The following PTPRO variants were observed in gnomAD, a reference collection of about 807,000 sequenced individuals.
PTPRO encodes the protein receptor-type tyrosine-protein phosphatase O.
Under a neutral mutation model 145.2 loss-of-function variants are expected in PTPRO, and 62 were observed. The observed-to-expected ratio is 0.43, with a 90% confidence interval of 0.35 to 0.53. The LOEUF (loss-of-function observed/expected upper bound fraction) is 0.53. Ranked by LOEUF, PTPRO falls within the 20% of genes least tolerant of loss-of-function variation. The pLI, the probability that PTPRO is intolerant of heterozygous loss-of-function variation, is 0.01. For synonymous variants in PTPRO, 565 were observed against 514.7 expected (o/e 1.10, Z -1.32); for missense variants, 1,345 against 1,482.7 (o/e 0.91, Z 1.53).
At chr12:15,373,911 T>C (rs760235245) in intron 1 of PTPRO, among the ~76,000 whole-genome samples, 2 of 152,192 alleles carry the variant, frequency 1.3e-5, no homozygotes, top group Non-Finnish European at 2.9e-5. Context: ...GGTCATTTTG[T>C]ACTCACAAAT....
intron 1 of PTPRO, among the ~76,000 whole-genome samples, chr12:15,398,487 A>C (rs1437511194): frequency 6.6e-6 from 1 of 152,054 alleles, no homozygotes; most frequent in Admixed American, 6.5e-5. Flanking sequence ...TTTCCAAAAA[A>C]AAAAAAAACA....
Position 15,322,624 on chromosome 12 carries a change from C to T in PTPRO, c.-103C>T. On this transcript the variant is annotated 5_prime_UTR_variant, in exon 1 of 27. Coordinates refer to ENST00000281171, the MANE Select transcript of PTPRO (RefSeq NM_030667.3). The surrounding 1 kb of genome is among the most constrained non-coding windows in gnomAD (Gnocchi z 6.3). ...AGCATGCGCTCGCCAGGAGCAACCTCGGCGCCCAGGGTCTGAGGCTGCAGC... is the reference window on the plus strand; with the variant it reads ...AGCATGCGCTCGCCAGGAGCAACCTTGGCGCCCAGGGTCTGAGGCTGCAGC... 3.0e-6 allele frequency: 3 copies of T among 1,000,058 alleles called. No homozygotes were observed. Among genetic ancestry groups the T allele is most frequent in the Non-Finnish European group, 3.1e-6 (2 of 646,022 alleles). The allele number at this position is 1,000,058 out of a possible 1,614,324, so 61.9% of individuals were successfully genotyped here.
intron 3 of PTPRO, among the ~76,000 whole-genome samples, chr12:15,499,161 T>C (rs1318870308): frequency 6.6e-6 from 1 of 152,184 alleles, no homozygotes; most frequent in Non-Finnish European, 1.5e-5. Flanking sequence ...TTATATTATC[T>C]CCTTCAATTA....
intron 19 of PTPRO, among the ~76,000 whole-genome samples, chr12:15,571,093 T>A (rs928801371): frequency 6.6e-6 from 1 of 152,180 alleles, no homozygotes; most frequent in Non-Finnish European, 1.5e-5. Context: ...GTAGCTAGAC[T>A]ACGTGCAGGG....
At chr12:15,575,838 A>T (rs1246750998) in intron 19 of PTPRO, among the ~76,000 whole-genome samples, 1 of 152,200 alleles carries the variant, frequency 6.6e-6, no homozygotes, top group Non-Finnish European at 1.5e-5. Context: ...GGCCACAGCA[A>T]TTCCTTGGCT....
chr12:15,324,074 A>G (rs1208467072), intron 1 of PTPRO, among the ~76,000 whole-genome samples: 3 of 152,314 alleles, frequency 2.0e-5, no homozygotes, highest in East Asian at 3.9e-4. Flanking sequence ...AAGCTCAGTT[A>G]TATGTTTTTA....
chr12:15,480,943 C>G (rs1042950291), intron 1 of PTPRO, among the ~76,000 whole-genome samples: 3 of 152,060 alleles, frequency 2.0e-5, no homozygotes, highest in Non-Finnish European at 2.9e-5. Context: ...GGTAATTTGT[C>G]CAGAGTATAT....
At chr12:15,409,506 C>G (rs1007443073) in intron 1 of PTPRO, among the ~76,000 whole-genome samples, 1 of 152,158 alleles carries the variant, frequency 6.6e-6, no homozygotes, top group Non-Finnish European at 1.5e-5. Context: ...ATATAACAAG[C>G]TGTTTCTCTC....
chr12:15,327,436 C>T (rs914050515), intron 1 of PTPRO, among the ~76,000 whole-genome samples: 5 of 152,244 alleles, frequency 3.3e-5, no homozygotes, highest in South Asian at 2.1e-4. Flanking sequence ...ATCACCACTC[C>T]GCTATGACCA....
chr12:15,416,053 G>A (rs769992465), intron 1 of PTPRO, among the ~76,000 whole-genome samples: 16 of 151,654 alleles, frequency 1.1e-4, no homozygotes, highest in Non-Finnish European at 2.4e-4. Context: ...TAATTTATTT[G>A]TCTGTCTGCA....
At chr12:15,482,491 C>T (rs912019477) in intron 1 of PTPRO, among the ~76,000 whole-genome samples, 7 of 152,050 alleles carry the variant, frequency 4.6e-5, no homozygotes, top group South Asian at 2.1e-4. Context: ...GACACTTTAT[C>T]GTGTATTTTC....
chr12:15,571,260 AAAC>A (rs1944040749), intron 19 of PTPRO, among the ~76,000 whole-genome samples: 1 of 151,814 alleles, frequency 6.6e-6, no homozygotes, highest in African/African-American at 2.4e-5. Context: ...GTGAAACAAC[AAAC>A]AACCTCTTTT....
intron 19 of PTPRO, among the ~76,000 whole-genome samples, chr12:15,571,685 T>C (rs1944054120): frequency 6.6e-6 from 1 of 152,174 alleles, no homozygotes; most frequent in African/African-American, 2.4e-5. Context: ...CTGTCTTTCT[T>C]GTTTGTAGTT....
intron 1 of PTPRO, among the ~76,000 whole-genome samples, chr12:15,416,486 A>AT (rs1473707245): frequency 6.6e-6 from 1 of 151,032 alleles, no homozygotes; most frequent in Non-Finnish European, 1.5e-5. Context: ...TGCCTGGCTA[A>AT]TTTTTTATAT....
At chr12:15,495,825 G>A (rs373171307) in intron 2 of PTPRO, among the ~76,000 whole-genome samples, 1 of 152,130 alleles carries the variant, frequency 6.6e-6, no homozygotes, top group Non-Finnish European at 1.5e-5. Flanking sequence ...TTTTGGGGAA[G>A]GGTACATTTA....
chr12:15,571,430 GTT>G (rs1475926085), intron 19 of PTPRO, among the ~76,000 whole-genome samples: 5 of 152,264 alleles, frequency 3.3e-5, no homozygotes, highest in African/African-American at 1.2e-4. Context: ...TGGGACTACA[GTT>G]GCCCACCACC....
chr12:15,434,683 G>A (rs1771723572), intron 1 of PTPRO, among the ~76,000 whole-genome samples: 2 of 152,082 alleles, frequency 1.3e-5, no homozygotes, highest in African/African-American at 4.8e-5. Flanking sequence ...GGCCAGATTT[G>A]GTTGATGTTT....
At chr12:15,336,420 T>C in intron 1 of PTPRO, among the ~76,000 whole-genome samples, 1 of 152,230 alleles carries the variant, frequency 6.6e-6, no homozygotes, top group East Asian at 1.9e-4. Context: ...TGATCATAGA[T>C]ACAGATTGTA....
intron 17 of PTPRO, among the ~76,000 whole-genome samples, chr12:15,564,546 G>A (rs907353652): frequency 2.1e-4 from 32 of 152,184 alleles, no homozygotes; most frequent in Admixed American, 8.5e-4. Context: ...GAAACTCTCC[G>A]TTTGCAAAGT....
Sources: gnomAD v4.1 joint callset for allele counts (sites outside exome capture counted in the v4.1 genomes callset) on GRCh38, gnomAD v4.1.1 for gene constraint, Gnocchi (gnomAD v3.1) non-coding constraint, MANE v1.5 for transcripts, NCBI Gene and HGNC (gene_info 2026-07-23, HGNC 2026-07-21) for gene names.